The following NRDE2 variants were observed in gnomAD, a reference collection of about 807,000 sequenced individuals.
NRDE2 encodes nuclear exosome regulator NRDE2.
In NRDE2, 76 loss-of-function variants were observed where a neutral mutation model predicts 124.2. That is an observed-to-expected ratio of 0.61 (90% CI 0.51 to 0.74). The LOEUF is 0.74. Ranked by LOEUF, NRDE2 falls within the 30% of genes least tolerant of loss-of-function variation. The pLI is 0.00. For missense variants in NRDE2, 1,314 were observed against 1,417.3 expected, an observed-to-expected ratio of 0.93 and a Z score of 1.17; for synonymous variants, 489 against 528.1, an observed-to-expected ratio of 0.93 and a Z score of 1.01.
In NRDE2 at chr14:90,312,529, G is replaced by A. The variant is rs371278516; in HGVS notation, c.422C>T (p.Ala141Val). 1 of 1,614,128 alleles carries A rather than the reference G, an allele frequency of 6.2e-7. No individual in the cohort carries two copies. The highest frequency in any genetic ancestry group is 1.1e-5 in the South Asian group (1 of 91,082). ...ESEEPNQGNN[A>V]AADTGHRFVW... is the part of the protein sequence containing the mutation. Reference sequence around the variant, plus strand: ...AAAGCGATGTCCAGTATCAGCTGCAGCATTATTTCCTTGACTGTGGGACAA... The same window carrying A: ...AAAGCGATGTCCAGTATCAGCTGCAACATTATTTCCTTGACTGTGGGACAA... Residue 141 changes from alanine (A) to valine (V), a missense_variant, in exon 4 of 14, where the codon GCT becomes GTT. Transcript: ENST00000354366.
chr14:90,274,091 T>C lies in NRDE2; in HGVS notation c.*4245A>G, dbSNP rs936301206. ...GCCACTCTGCCTACCACAGAGGACA[T>C]CCACACGTGGGGGTGGCCCAGTGCA... On this transcript the variant is annotated 3_prime_UTR_variant, in exon 14 of 14. Transcript: ENST00000354366. The C allele has an allele frequency of 6.5e-6, 1 of 154,680 alleles. No homozygotes were observed. The highest frequency in any genetic ancestry group is 1.5e-5 in the Non-Finnish European group (1 of 68,334). The allele number at this position is 154,680 out of a possible 1,614,324, so 9.6% of individuals were successfully genotyped here.
rs369683933 is a variant in NRDE2, at chr14:90,286,526, A to T, written c.3159-34T>A. On this transcript the variant is annotated intron_variant, in intron 11 of 13. Coordinates refer to ENST00000354366, the MANE Select transcript of NRDE2 (RefSeq NM_017970.4). Reference sequence around the variant, plus strand: ...CAAAGGCTCACGTGACTCTGACACAAGCTCTCTCATCCTACATCACAGAAG... The same window carrying T: ...CAAAGGCTCACGTGACTCTGACACATGCTCTCTCATCCTACATCACAGAAG... 19 of 1,603,898 alleles carry T rather than the reference A, an allele frequency of 1.2e-5. No homozygotes were observed. In the African/African-American group the frequency reaches 2.5e-4, roughly 22 times the overall value.
chr14:90,270,403 GGAAA>G lies in NRDE2; in HGVS notation c.*7929_*7932del. 1 of 1,577,688 alleles carries G rather than the reference GGAAA, an allele frequency of 6.3e-7. No homozygotes were observed. Among genetic ancestry groups the G allele is most frequent in the Non-Finnish European group, 8.6e-7 (1 of 1,162,964 alleles). ...TTTCTGGGAATGTGGCCGTCAATCA[GGAAA>G]GAGTCTATATGTGCTCTTGGGATGG... On this transcript the variant is annotated 3_prime_UTR_variant, in exon 14 of 14. Transcript: ENST00000354366.
chr14:90,326,512 A>C (rs1269591552), intron 1 of NRDE2, among the ~76,000 whole-genome samples: 5 of 151,686 alleles, frequency 3.3e-5, no homozygotes, highest in Non-Finnish European at 5.9e-5. Context: ...AAAAAAAAAA[A>C]AAAAAAGAGA....
At position 90,303,081 on chromosome 14, in the gene NRDE2, T is replaced by C; in HGVS notation, c.1050A>G (p.Gly350=). The change falls in exon 6 of 14, where the codon GGA becomes GGG. Residue 350 remains glycine, a synonymous_variant. Transcript: ENST00000354366. ...GGGACCTCTTTCGCTTTTCCTGCTC[T>C]CCTTCCTCGATGGCATACAGGCCAG... The part of the protein sequence containing the change: ...KSPGLYAIEE[G]EQEKRKRSLK... 1 of 1,613,998 alleles carries C rather than the reference T, an allele frequency of 6.2e-7. No homozygotes were observed. The highest frequency in any genetic ancestry group is 8.5e-7 in the Non-Finnish European group (1 of 1,180,026).
At chr14:90,298,854 T>C (rs1011785958) in intron 7 of NRDE2, among the ~76,000 whole-genome samples, 1 of 152,130 alleles carries the variant, frequency 6.6e-6, no homozygotes, top group African/African-American at 2.4e-5. Flanking sequence ...CCTAAAGTCA[T>C]GCCGCTTTCA....
chr14:90,303,673 T>G (rs1368105428), intron 5 of NRDE2, among the ~76,000 whole-genome samples: 1 of 152,164 alleles, frequency 6.6e-6, no homozygotes, highest in Non-Finnish European at 1.5e-5. Flanking sequence ...CTCTTTCTCC[T>G]CCCTCAACAC....
In NRDE2 at chr14:90,282,212, C is replaced by T. The variant is rs180806690; in HGVS notation, c.3298-3079G>A. ...AATAAACAAGCCAGGCGCAGTGGCT[C>T]GCGCCCATGATCTGAACACTTTGGG... On this transcript the variant is annotated intron_variant, in intron 12 of 13. Transcript: ENST00000354366. Among the ~76,000 whole-genome samples the T allele has an allele frequency of 2.4e-4, 37 of 152,274 alleles. 1 individual carries two copies. Among genetic ancestry groups the T allele is most frequent in the African/African-American group, 7.9e-4 (33 of 41,542 alleles).
chr14:90,287,600 G>A (rs1303166721), intron 11 of NRDE2, among the ~76,000 whole-genome samples: 3 of 152,050 alleles, frequency 2.0e-5, no homozygotes, highest in South Asian at 2.1e-4. Context: ...CAGCCTGAGC[G>A]ACAGAGTAAG....
chr14:90,315,510 A>AT (rs147040136), intron 3 of NRDE2, among the ~76,000 whole-genome samples: 2,730 of 152,298 alleles, frequency 0.018, 85 homozygotes, highest in African/African-American at 0.062. Flanking sequence ...TAAATGAGCA[A>AT]TAATTCAGGT....
chr14:90,321,549 T>TAAAAAA (rs1012195271), intron 1 of NRDE2, among the ~76,000 whole-genome samples: 1 of 108,806 alleles, frequency 9.2e-6, no homozygotes, highest in African/African-American at 3.4e-5. Context: ...CCAGCTCTAT[T>TAAAAAA]AAAAAAAAAA....
intron 1 of NRDE2, 42 bp from the exon 2 acceptor site, chr14:90,318,155 A>G (rs1353413860): frequency 2.0e-6 from 3 of 1,466,108 alleles, no homozygotes; most frequent in Admixed American, 1.8e-5. Flanking sequence ...AATTAGTTCA[A>G]TATGATTCTA....
At chr14:90,295,660 T>A (rs914985260) in intron 8 of NRDE2, among the ~76,000 whole-genome samples, 1 of 152,200 alleles carries the variant, frequency 6.6e-6, no homozygotes, top group Non-Finnish European at 1.5e-5. Context: ...AAACATGCTA[T>A]GATAAATGCT....
chr14:90,291,951 C>G (rs1234030404), intron 9 of NRDE2, among the ~76,000 whole-genome samples: 2 of 152,238 alleles, frequency 1.3e-5, no homozygotes, highest in South Asian at 4.1e-4. Context: ...GCCTTCAGGG[C>G]GCCTCGTTTG....
intron 12 of NRDE2, among the ~76,000 whole-genome samples, chr14:90,283,984 T>C (rs1745937127): frequency 6.6e-6 from 1 of 152,056 alleles, no homozygotes; most frequent in Admixed American, 6.5e-5. Flanking sequence ...GTGCTGGGAT[T>C]ACAGGCATGA....
In NRDE2 at chr14:90,279,139, GT is replaced by G. The variant is rs1891884571; in HGVS notation, c.3298-7del. 6.2e-7 allele frequency: 1 copy of G among 1,604,134 alleles called. No individual in the cohort carries two copies. The highest frequency in any genetic ancestry group is 1.3e-5 in the African/African-American group (1 of 74,780). On this transcript the variant is annotated splice_region_variant and splice_polypyrimidine_tract_variant and intron_variant, in intron 12 of 13. Transcript: ENST00000354366. ...TCTTTATTTCCTAAGGAAACCTGAG[GT>G]GAGGGGGAGAAAATACAAACATGAT... is the stretch of plus-strand genomic sequence containing the variant.
rs1052044503 is a variant in NRDE2, at chr14:90,270,978, T to C, written c.*7358A>G. The C allele has an allele frequency of 1.1e-4, 16 of 152,218 alleles. No homozygotes were observed. The highest frequency in any genetic ancestry group is 6.5e-4 in the Admixed American group (10 of 15,274). The allele number at this position is 152,218 out of a possible 1,614,324, so 9.4% of individuals were successfully genotyped here. A position where few individuals can be genotyped will look rare whatever the true frequency, so the allele number is the denominator to read the frequency against. On this transcript the variant is annotated 3_prime_UTR_variant, in exon 14 of 14. Coordinates refer to ENST00000354366, the MANE Select transcript of NRDE2 (RefSeq NM_017970.4). ...GCACCTGCCCTGAGCCCACGGATCATTGGCAGTTAGTCCTAGAGAACTAGA... is the reference window on the plus strand; with the variant it reads ...GCACCTGCCCTGAGCCCACGGATCACTGGCAGTTAGTCCTAGAGAACTAGA...
rs978684387 is a variant in NRDE2 at position 90,329,972 on chromosome 14, T to C, written c.64+1869A>G. Among the ~76,000 whole-genome samples the C allele has an allele frequency of 3.9e-4, 59 of 151,700 alleles. No homozygotes were observed. In the East Asian group the frequency reaches 5.0e-3, roughly 13 times the overall value. ...CTGTAATCCCAGCACTTTGGGAGGC[T>C]ATGGTGGGCGAATCACTTAAAGTTA... is the stretch of plus-strand genomic sequence containing the variant. On this transcript the variant is annotated intron_variant, in intron 1 of 13. Coordinates refer to ENST00000354366, the MANE Select transcript of NRDE2 (RefSeq NM_017970.4).
At chr14:90,295,494 T>C (rs760615356) in intron 8 of NRDE2, among the ~76,000 whole-genome samples, 1 of 152,190 alleles carries the variant, frequency 6.6e-6, no homozygotes, top group Non-Finnish European at 1.5e-5. Flanking sequence ...TTAATCACCC[T>C]GAAAAACTCT....
Sources: allele counts gnomAD v4.1 joint callset (sites outside exome capture counted in the v4.1 genomes callset), GRCh38; gene constraint gnomAD v4.1.1; transcripts MANE v1.5; gene names NCBI Gene and HGNC (gene_info 2026-07-23, HGNC 2026-07-21).